The following MAF variants were observed in gnomAD, a reference collection of about 807,000 sequenced individuals.
MAF encodes MAF bZIP transcription factor, also known as transcription factor Maf.
A neutral mutation model predicts 22.0 loss-of-function variants in MAF; 10 were observed. The ratio of observed to expected loss-of-function variants is 0.45; its 90% CI spans 0.28 to 0.77. MAF has a LOEUF of 0.77. MAF is among the 30% of genes least tolerant of loss of function. The probability of loss-of-function intolerance (pLI) is 0.12; values close to 1 mark genes in which losing one functional copy is unlikely to be tolerated. For synonymous variants in MAF, 337 were observed against 255.8 expected (o/e 1.32, Z -3.03); for missense variants, 544 against 548.4 (o/e 0.99, Z 0.08).
chr16:79,571,125 A>G, the MAF span, among the ~76,000 whole-genome samples: 1 of 151,860 alleles, frequency 6.6e-6, no homozygotes, highest in Non-Finnish European at 1.5e-5. Flanking sequence ...AAAAAAAAAA[A>G]AGTGATCCTT....
chr16:79,536,033 T>G, the MAF span, among the ~76,000 whole-genome samples: 2 of 152,242 alleles, frequency 1.3e-5, no homozygotes, highest in African/African-American at 4.8e-5. Context: ...TGTTTGGTTC[T>G]GCATGCTATG....
the MAF span, among the ~76,000 whole-genome samples, chr16:79,504,570 G>C: frequency 6.6e-6 from 1 of 152,160 alleles, no homozygotes; most frequent in South Asian, 2.1e-4. Context: ...TGAATGGATG[G>C]ATGGACGGAT....
the MAF span, among the ~76,000 whole-genome samples, chr16:79,417,118 G>A: frequency 2.6e-5 from 4 of 152,146 alleles, no homozygotes; most frequent in Non-Finnish European, 5.9e-5. Context: ...TCAGCCAGGG[G>A]CACACCATTC....
chr16:79,448,364 G>A, the MAF span, among the ~76,000 whole-genome samples: 115 of 147,598 alleles, frequency 7.8e-4, 1 homozygote, highest in African/African-American at 2.8e-3. Flanking sequence ...TGAAGGCTCA[G>A]ATGAATGCTA....
the MAF span, among the ~76,000 whole-genome samples, chr16:79,468,416 A>G: frequency 3.3e-5 from 5 of 152,348 alleles, no homozygotes; most frequent in South Asian, 4.1e-4. Flanking sequence ...GGGTGTCCTC[A>G]TGGCAAATGT....
the MAF span, among the ~76,000 whole-genome samples, chr16:79,294,504 G>T: frequency 6.6e-6 from 1 of 152,122 alleles, no homozygotes; most frequent in Admixed American, 6.6e-5. Flanking sequence ...CCTAGTTCAT[G>T]CCACTGATAG....
At chr16:79,455,303 T>C in the MAF span, among the ~76,000 whole-genome samples, 2 of 151,782 alleles carry the variant, frequency 1.3e-5, no homozygotes, top group South Asian at 2.1e-4. Context: ...CTCTTTGGGG[T>C]AAATAAATAA....
the MAF span, among the ~76,000 whole-genome samples, chr16:79,339,064 A>AT: frequency 6.6e-6 from 1 of 151,564 alleles, no homozygotes; most frequent in Non-Finnish European, 1.5e-5. Flanking sequence ...TTTATTTTTT[A>AT]TTTTTTAATT....
intron 1 of MAF, chr16:79,598,300 C>T (rs1273024185): frequency 9.2e-7 from 1 of 1,090,754 alleles, no homozygotes; most frequent in Non-Finnish European, 1.1e-6. Flanking sequence ...AACACACACA[C>T]ACACAGAAAA....
chr16:79,418,203 C>T, the MAF span, among the ~76,000 whole-genome samples: 2 of 152,146 alleles, frequency 1.3e-5, no homozygotes, highest in East Asian at 3.9e-4. Flanking sequence ...GCTTGAGAGA[C>T]CATCTTCTCG....
the MAF span, among the ~76,000 whole-genome samples, chr16:79,432,506 AG>A: frequency 6.6e-6 from 1 of 152,324 alleles, no homozygotes. Context: ...CTTAAATAAA[AG>A]TTATATGAAT....
At chr16:79,335,391 C>A in the MAF span, among the ~76,000 whole-genome samples, 11 of 151,956 alleles carry the variant, frequency 7.2e-5, no homozygotes, top group South Asian at 2.1e-4. Context: ...CTGGCTTCTT[C>A]GAAGAAGAAG....
the MAF span, among the ~76,000 whole-genome samples, chr16:79,482,983 TCCCCTCCCCTC>T: frequency 3.3e-5 from 1 of 30,020 alleles, no homozygotes; most frequent in Non-Finnish European, 6.1e-5. Context: ...CTTCCCTCCC[TCCCCTCCCCTC>T]ACTCCCTCCT....
the MAF span, among the ~76,000 whole-genome samples, chr16:79,303,626 C>T: frequency 2.6e-5 from 4 of 152,206 alleles, no homozygotes; most frequent in Non-Finnish European, 5.9e-5. Flanking sequence ...AATGCATCTT[C>T]CACTGGCATG....
At chr16:79,382,378 C>T in the MAF span, among the ~76,000 whole-genome samples, 1 of 152,152 alleles carries the variant, frequency 6.6e-6, no homozygotes, top group African/African-American at 2.4e-5. Flanking sequence ...TCCAACAGAA[C>T]TTTCTGGAAG....
the MAF span, among the ~76,000 whole-genome samples, chr16:79,342,781 T>C: frequency 0.034 from 5,234 of 152,234 alleles, 111 homozygotes; most frequent in African/African-American, 0.051. Flanking sequence ...AAAAAATAGA[T>C]GTAAAAAGCA....
At chr16:79,547,926 G>GAGATAAAGAT in the MAF span, among the ~76,000 whole-genome samples, 1 of 151,252 alleles carries the variant, frequency 6.6e-6, no homozygotes, top group Admixed American at 6.6e-5. Context: ...GAGATAGAGA[G>GAGATAAAGAT]AGAGAGAGAG....
the MAF span, among the ~76,000 whole-genome samples, chr16:79,477,933 AG>A: frequency 2.6e-5 from 4 of 151,846 alleles, no homozygotes; most frequent in South Asian, 4.1e-4. Flanking sequence ...TATGTTGGCC[AG>A]GCTGGTCTCG....
chr16:79,212,232 C>G, the MAF span: 2 of 1,370,404 alleles, frequency 1.5e-6, no homozygotes, highest in Non-Finnish European at 1.9e-6. Context: ...TTCACTGCTC[C>G]TTGCTGCATT....
Sources: allele counts gnomAD v4.1 joint callset (sites outside exome capture counted in the v4.1 genomes callset), GRCh38; gene constraint gnomAD v4.1.1; transcripts MANE v1.5; gene names NCBI Gene and HGNC (gene_info 2026-07-23, HGNC 2026-07-21).